STK39: variants seen among roughly 807,000 people sequenced by gnomAD.
STK39 encodes the protein serine/threonine kinase 39.
STK39 carries 20 observed loss-of-function variants against 77.8 expected under a neutral mutation model. The ratio of observed to expected loss-of-function variants is 0.26; its 90% CI spans 0.18 to 0.37. The LOEUF (loss-of-function observed/expected upper bound fraction) is 0.37, where lower values mean the gene tolerates loss of function less well. STK39 is among the 10% of genes least tolerant of loss of function. STK39 has a pLI of 1.00. For synonymous variants in STK39, 246 were observed against 234.1 expected (o/e 1.05, Z -0.47); for missense variants, 479 against 656.5 (o/e 0.73, Z 2.95).
intron 10 of STK39, among the ~76,000 whole-genome samples, chr2:168,087,113 C>T (rs540543316): frequency 6.6e-6 from 1 of 152,238 alleles, no homozygotes; most frequent in Non-Finnish European, 1.5e-5. Context: ...AGAAAACACA[C>T]ATCATGTAAG....
chr2:168,138,578 G>A (rs749058832), intron 7 of STK39, among the ~76,000 whole-genome samples: 2 of 152,322 alleles, frequency 1.3e-5, no homozygotes, highest in South Asian at 2.1e-4. Flanking sequence ...GAGGGCCAGC[G>A]AGGCAGTGAC....
rs551266914 is a variant in STK39, at chr2:168,151,553, G to A, written c.628+10234C>T. 5.3e-5 allele frequency among the ~76,000 whole-genome samples: 8 copies of A among 152,020 alleles called. No homozygotes were observed. The South Asian group carries it at 1.0e-3, about 20-fold the overall frequency. ...AGATCGAGACCATCCTAGCTAACAC[G>A]GTGAAACCCCATCTCTACTAAAAAC... is the stretch of plus-strand genomic sequence containing the variant. On this transcript the variant is annotated intron_variant, in intron 5 of 17. Coordinates refer to ENST00000355999, the MANE Select transcript of STK39 (RefSeq NM_013233.3).
At chr2:168,002,268 G>A (rs902325831) in intron 16 of STK39, among the ~76,000 whole-genome samples, 1 of 152,214 alleles carries the variant, frequency 6.6e-6, no homozygotes, top group Non-Finnish European at 1.5e-5. Context: ...GTTTACTGCT[G>A]CAATGAGTCA....
At chr2:167,974,328 T>C (rs1361596002) in intron 16 of STK39, among the ~76,000 whole-genome samples, 1 of 152,166 alleles carries the variant, frequency 6.6e-6, no homozygotes, top group African/African-American at 2.4e-5. Context: ...CCTTAATATA[T>C]TTGATAGCCT....
chr2:167,992,685 T>A lies in STK39; in HGVS notation c.1498+19949A>T, dbSNP rs116862123. 1.8e-3 allele frequency among the ~76,000 whole-genome samples: 278 copies of A among 152,328 alleles called. 8 individuals are homozygous for A. In the East Asian group the frequency reaches 0.043, roughly 24 times the overall value. ...TCAGTTTTTCACAATTTGAGATTTA[T>A]CTTTTTAACATATTCAAACAAAAGG... On this transcript the variant is annotated intron_variant, in intron 16 of 17. Coordinates refer to ENST00000355999, the MANE Select transcript of STK39 (RefSeq NM_013233.3).
Position 168,232,220 on chromosome 2 carries a change from T to A in STK39, c.208+15008A>T, listed in dbSNP as rs960436062. 3 of 180,566 alleles carry A rather than the reference T, an allele frequency of 1.7e-5. No homozygotes were observed. The Admixed American group carries it at 1.8e-4, about 11-fold the overall frequency. 11.2% of individuals were successfully genotyped at this position (180,566 alleles called of 1,614,324 possible). A position where few individuals can be genotyped will look rare whatever the true frequency, so the allele number is the denominator to read the frequency against. ...ACATAAGCCTGCTTGCGGCAAAAGA[T>A]CTAAGTTTTCATTTAATATAAAATG... is the stretch of plus-strand genomic sequence containing the variant. On this transcript the variant is annotated intron_variant, in intron 1 of 17. Transcript: ENST00000355999.
intron 2 of STK39, among the ~76,000 whole-genome samples, chr2:168,168,604 C>T (rs1688746175): frequency 6.6e-6 from 1 of 152,172 alleles, no homozygotes; most frequent in East Asian, 1.9e-4. Context: ...CTGCCTAATC[C>T]TCATACTACT....
At chr2:168,146,642 A>G (rs752340330) in intron 5 of STK39, among the ~76,000 whole-genome samples, 2 of 152,236 alleles carry the variant, frequency 1.3e-5, no homozygotes, top group African/African-American at 4.8e-5. Flanking sequence ...AACCAACCAC[A>G]GAGTCTGAGC....
At chr2:168,017,179 C>T (rs1044608257) in intron 14 of STK39, 84 bp from the exon 15 acceptor site, 45 of 880,990 alleles carry the variant, frequency 5.1e-5, no homozygotes, top group Non-Finnish European at 6.8e-5. Flanking sequence ...TCACAAGATG[C>T]TACTAACATG....
At chr2:168,158,563 A>G (rs1490054620) in intron 5 of STK39, among the ~76,000 whole-genome samples, 1 of 152,204 alleles carries the variant, frequency 6.6e-6, no homozygotes, top group Non-Finnish European at 1.5e-5. Flanking sequence ...TCTGAAAGTG[A>G]GGTCATTTAA....
intron 10 of STK39, among the ~76,000 whole-genome samples, chr2:168,101,325 T>C (rs1357516283): frequency 2.0e-5 from 3 of 152,188 alleles, no homozygotes; most frequent in Non-Finnish European, 4.4e-5. Context: ...CTGCACGTTC[T>C]GTACATGTAT....
chr2:168,115,988 G>A (rs1687248927), intron 10 of STK39, among the ~76,000 whole-genome samples: 1 of 152,202 alleles, frequency 6.6e-6, no homozygotes, highest in Admixed American at 6.5e-5. Context: ...CACAGACAAG[G>A]CACTGGGGAG....
chr2:168,149,192 T>C (rs1173813791), intron 5 of STK39, among the ~76,000 whole-genome samples: 1 of 54,830 alleles, frequency 1.8e-5, no homozygotes, highest in Non-Finnish European at 2.9e-5. Context: ...GATCCAAAGG[T>C]AGTAATACAG....
At chr2:168,080,786 G>C (rs1686210138) in intron 10 of STK39, among the ~76,000 whole-genome samples, 1 of 152,328 alleles carries the variant, frequency 6.6e-6, no homozygotes, top group South Asian at 2.1e-4. Context: ...GTTGTGTGCA[G>C]TTTAGGGACT....
intron 1 of STK39, among the ~76,000 whole-genome samples, chr2:168,192,819 A>C (rs888359398): frequency 3.3e-5 from 5 of 152,212 alleles, no homozygotes; most frequent in Non-Finnish European, 5.9e-5. Context: ...ACCTGGATAG[A>C]AACTAGAACC....
Position 168,065,390 on chromosome 2 carries a change from A to G in STK39, c.1243-9T>C, listed in dbSNP as rs201230219. ...CTGGCACTCACTGCAATCTGTTACG[A>G]GAGCCACCGTTACAGCATTCAAGAA... On this transcript the variant is annotated splice_polypyrimidine_tract_variant and intron_variant, in intron 12 of 17. Coordinates refer to ENST00000355999, the MANE Select transcript of STK39 (RefSeq NM_013233.3). 78 of 1,613,870 alleles carry G rather than the reference A, an allele frequency of 4.8e-5. No homozygotes were observed. Among genetic ancestry groups the G allele is most frequent in the Non-Finnish European group, 6.6e-5 (78 of 1,179,894 alleles).
Position 168,060,720 on chromosome 2 carries a change from G to A in STK39, c.1376+2780C>T, listed in dbSNP as rs564667527. ...ATTAATGTGGTACATATTAACTTCA[G>A]CAACATATATAATAGATCCCTTTAT... On this transcript the variant is annotated intron_variant, in intron 14 of 17. Transcript: ENST00000355999. Among the ~76,000 whole-genome samples, 5 of 152,266 alleles carry A rather than the reference G, an allele frequency of 3.3e-5. No homozygotes were observed. In the South Asian group the frequency reaches 1.0e-3, roughly 32 times the overall value.
At chr2:167,971,561 C>T (rs1692345873) in intron 16 of STK39, among the ~76,000 whole-genome samples, 1 of 152,162 alleles carries the variant, frequency 6.6e-6, no homozygotes, top group Non-Finnish European at 1.5e-5. Flanking sequence ...AAACTGAGTT[C>T]CTTCATGCTT....
chr2:168,244,660 T>C (rs1251947803), intron 1 of STK39, among the ~76,000 whole-genome samples: 1 of 152,248 alleles, frequency 6.6e-6, no homozygotes, highest in Non-Finnish European at 1.5e-5. Flanking sequence ...GAAACAGGTT[T>C]GTAATTCCTT....
Sources: gnomAD v4.1 joint callset for allele counts (sites outside exome capture counted in the v4.1 genomes callset) on GRCh38, gnomAD v4.1.1 for gene constraint, MANE v1.5 for transcripts, NCBI Gene and HGNC (gene_info 2026-07-23, HGNC 2026-07-21) for gene names.